The following ZBTB20 variants were observed in gnomAD, a reference collection of about 807,000 sequenced individuals.
ZBTB20 encodes the protein zinc finger and BTB domain-containing protein 20.
A neutral mutation model predicts 56.9 loss-of-function variants in ZBTB20; 9 were observed. That is an observed-to-expected ratio of 0.16 (90% CI 0.10 to 0.28). The LOEUF (loss-of-function observed/expected upper bound fraction) is 0.28. Ranked by LOEUF, ZBTB20 falls within the 10% of genes least tolerant of loss-of-function variation. The pLI is 1.00. For missense variants in ZBTB20, 655 were observed against 1,003.0 expected (o/e 0.65, Z 4.69); for synonymous variants, 417 against 420.7 (o/e 0.99, Z 0.11).
intron 4 of ZBTB20, among the ~76,000 whole-genome samples, chr3:114,821,330 G>A (rs760659978): frequency 2.6e-5 from 4 of 152,186 alleles, no homozygotes; most frequent in South Asian, 2.1e-4. Flanking sequence ...CACCATATCA[G>A]GAACCTTATG....
At chr3:114,742,750 C>T (rs1376803017) in intron 5 of ZBTB20, among the ~76,000 whole-genome samples, 2 of 152,118 alleles carry the variant, frequency 1.3e-5, no homozygotes, top group African/African-American at 4.8e-5. Context: ...TTAGAAGCAC[C>T]TGGCAAGCTT....
At chr3:114,683,706 T>A (rs930633997) in intron 6 of ZBTB20, among the ~76,000 whole-genome samples, 1 of 152,010 alleles carries the variant, frequency 6.6e-6, no homozygotes, top group Non-Finnish European at 1.5e-5. Context: ...GGGCTTAATG[T>A]AAGCCCCACT....
At chr3:114,648,248 C>T (rs2059951760) in intron 6 of ZBTB20, among the ~76,000 whole-genome samples, 1 of 151,644 alleles carries the variant, frequency 6.6e-6, no homozygotes, top group Admixed American at 6.6e-5. Context: ...TTTTAAATAT[C>T]ATTAATAGCT....
chr3:115,029,878 A>G (rs1457004227), intron 2 of ZBTB20, among the ~76,000 whole-genome samples: 4 of 151,132 alleles, frequency 2.6e-5, no homozygotes, highest in Non-Finnish European at 5.9e-5. Flanking sequence ...GCCATAAAAA[A>G]TGTAATATGG....
chr3:114,939,333 C>T (rs1344917381), intron 3 of ZBTB20, among the ~76,000 whole-genome samples: 1 of 146,322 alleles, frequency 6.8e-6, no homozygotes, highest in Admixed American at 6.6e-5. Flanking sequence ...ATTGATTAAG[C>T]AGCTATAGTA....
At position 115,045,408 on chromosome 3, in the gene ZBTB20, T is replaced by C. The variant is rs1042513809; in HGVS notation, c.-507+25811A>G. Among the ~76,000 whole-genome samples the C allele has an allele frequency of 2.0e-5, 3 of 152,198 alleles. No homozygotes were observed. The South Asian group carries it at 6.2e-4, about 32-fold the overall frequency. ...TTTCCTAAAATAAGCATACATCATT[T>C]TTATAAGTAAGATGCTGATTTCATT... On this transcript the variant is annotated intron_variant, in intron 2 of 11. Transcript: ENST00000675478.
rs1384371012 is a variant in ZBTB20, at chr3:115,083,380, A to T, written c.-702-11966T>A. ...CTATATAGTCTTTCTGCCATCTTTAATTTCCTTGTTGCCATCAAACTATAC... is the reference window on the plus strand; with the variant it reads ...CTATATAGTCTTTCTGCCATCTTTATTTTCCTTGTTGCCATCAAACTATAC... On this transcript the variant is annotated intron_variant, in intron 1 of 11. Transcript: ENST00000675478. Among the ~76,000 whole-genome samples, 5 of 151,928 alleles carry T rather than the reference A, an allele frequency of 3.3e-5. No individual in the cohort carries two copies. The East Asian group carries it at 5.8e-4, about 18-fold the overall frequency.
intron 5 of ZBTB20, among the ~76,000 whole-genome samples, chr3:114,732,300 C>G (rs1455542956): frequency 6.6e-6 from 1 of 152,140 alleles, no homozygotes; most frequent in Non-Finnish European, 1.5e-5. Context: ...ATATGGTTCT[C>G]TATCCCTATT....
chr3:114,876,464 A>G (rs1477754771), intron 4 of ZBTB20: 1 of 152,194 alleles, frequency 6.6e-6, no homozygotes, highest in Non-Finnish European at 1.5e-5. Context: ...AAAATAAGAT[A>G]AAATAAAAAT....
At chr3:114,677,409 G>A (rs567115755) in intron 6 of ZBTB20, among the ~76,000 whole-genome samples, 37 of 152,262 alleles carry the variant, frequency 2.4e-4, no homozygotes, top group African/African-American at 7.9e-4. Flanking sequence ...TACTGCCTGA[G>A]CTCTGCCTAC....
intron 5 of ZBTB20, among the ~76,000 whole-genome samples, chr3:114,707,917 C>T (rs753832800): frequency 6.6e-6 from 1 of 152,050 alleles, no homozygotes; most frequent in East Asian, 1.9e-4. Flanking sequence ...TCCTAGAAGC[C>T]CACTATTTAT....
chr3:114,866,296 G>A (rs929441365), intron 4 of ZBTB20, among the ~76,000 whole-genome samples: 6 of 152,168 alleles, frequency 3.9e-5, no homozygotes, highest in Non-Finnish European at 8.8e-5. Flanking sequence ...CTAAGGTTGA[G>A]TAATTTGCCT....
chr3:114,756,270 T>C (rs1402585560), intron 5 of ZBTB20, among the ~76,000 whole-genome samples: 1 of 152,182 alleles, frequency 6.6e-6, no homozygotes, highest in Non-Finnish European at 1.5e-5. Context: ...TATTTCATTA[T>C]TCTTTGGGCT....
chr3:115,146,199 G>C (rs747683003), intron 1 of ZBTB20, among the ~76,000 whole-genome samples: 1 of 152,202 alleles, frequency 6.6e-6, no homozygotes, highest in Non-Finnish European at 1.5e-5. Context: ...CGGAGTGAGA[G>C]ATCAGCGGAT....
chr3:114,983,026 T>C (rs2078393070), intron 2 of ZBTB20, among the ~76,000 whole-genome samples: 1 of 152,022 alleles, frequency 6.6e-6, no homozygotes, highest in African/African-American at 2.4e-5. Context: ...CTATAATAAT[T>C]CCTAATGATT....
intron 2 of ZBTB20, among the ~76,000 whole-genome samples, chr3:115,005,807 C>T (rs2079441700): frequency 6.6e-6 from 1 of 151,746 alleles, no homozygotes; most frequent in South Asian, 2.1e-4. Flanking sequence ...CTTGATAATT[C>T]CAATCCATTC....
At chr3:114,833,142 A>G (rs753127548) in intron 4 of ZBTB20, among the ~76,000 whole-genome samples, 3 of 152,154 alleles carry the variant, frequency 2.0e-5, no homozygotes, top group Non-Finnish European at 4.4e-5. Flanking sequence ...CTAAAATAAC[A>G]TATCTCTTCT....
At chr3:114,644,742 A>C (rs2059749196) in intron 6 of ZBTB20, among the ~76,000 whole-genome samples, 1 of 152,130 alleles carries the variant, frequency 6.6e-6, no homozygotes. Flanking sequence ...GCATCACACA[A>C]TATTCCTATG....
chr3:115,065,239 T>G (rs1055291222), intron 2 of ZBTB20, among the ~76,000 whole-genome samples: 1 of 152,214 alleles, frequency 6.6e-6, no homozygotes, highest in African/African-American at 2.4e-5. Flanking sequence ...TCTTTTTATA[T>G]AATCTTGTCA....
Sources: allele counts gnomAD v4.1 joint callset (sites outside exome capture counted in the v4.1 genomes callset), GRCh38; gene constraint gnomAD v4.1.1; transcripts MANE v1.5; gene names NCBI Gene and HGNC (gene_info 2026-07-23, HGNC 2026-07-21).